Variants in TBCK observed in about 807,000 individuals in gnomAD.
TBCK encodes the protein TBC domain-containing protein kinase-like protein.
A neutral mutation model predicts 113.4 loss-of-function variants in TBCK; 99 were observed. The observed-to-expected ratio is 0.87, with a 90% CI of 0.74 to 1.03. TBCK has a LOEUF of 1.03. TBCK is among the 50% of genes least tolerant of loss of function. The pLI is 0.00. For synonymous variants in TBCK, 369 were observed against 370.8 expected (o/e 1.00, Z 0.05); for missense variants, 1,045 against 1,061.3 (o/e 0.98, Z 0.21).
chr4:106,302,787 T>C (rs965137090), intron 2 of TBCK, among the ~76,000 whole-genome samples: 16 of 152,214 alleles, frequency 1.1e-4, no homozygotes, highest in African/African-American at 3.9e-4. Context: ...GGGTAAGGGC[T>C]GTTGAAGTAT....
At chr4:106,066,731 T>G (rs1407250719) in intron 25 of TBCK, among the ~76,000 whole-genome samples, 1 of 152,032 alleles carries the variant, frequency 6.6e-6, no homozygotes, top group African/African-American at 2.4e-5. Flanking sequence ...CCTGTCTCCA[T>G]GAATTTGCTG....
intron 2 of TBCK, among the ~76,000 whole-genome samples, chr4:106,307,876 CA>C (rs1365854049): frequency 6.6e-6 from 1 of 151,968 alleles, no homozygotes; most frequent in Non-Finnish European, 1.5e-5. Context: ...ACATCTTCCT[CA>C]AACACTGACT....
chr4:106,069,401 A>T (rs1401148313), intron 25 of TBCK, among the ~76,000 whole-genome samples: 2 of 152,180 alleles, frequency 1.3e-5, no homozygotes, highest in African/African-American at 4.8e-5. Flanking sequence ...TTAAATAGGG[A>T]ATCCTTTCCC....
At chr4:106,102,437 G>A (rs1009170574) in intron 24 of TBCK, among the ~76,000 whole-genome samples, 2 of 152,114 alleles carry the variant, frequency 1.3e-5, no homozygotes, top group African/African-American at 4.8e-5. Flanking sequence ...CAACAGTAGC[G>A]TTTCAGGCAT....
At chr4:106,053,238 A>T (rs1000660134) in intron 25 of TBCK, among the ~76,000 whole-genome samples, 6 of 151,492 alleles carry the variant, frequency 4.0e-5, no homozygotes, top group Non-Finnish European at 7.4e-5. Context: ...ATCTCTTTTC[A>T]TTTCTTTGCA....
intron 5 of TBCK, among the ~76,000 whole-genome samples, chr4:106,259,109 A>C (rs1762266399): frequency 6.6e-6 from 1 of 151,924 alleles, no homozygotes; most frequent in African/African-American, 2.4e-5. Flanking sequence ...CATAAGAGAA[A>C]TTGCTCAATA....
At chr4:106,297,389 C>A (rs1296693480) in intron 2 of TBCK, among the ~76,000 whole-genome samples, 1 of 152,176 alleles carries the variant, frequency 6.6e-6, no homozygotes, top group Non-Finnish European at 1.5e-5. Flanking sequence ...ACAGTAATCT[C>A]CCCTTCTCAA....
intron 3 of TBCK, among the ~76,000 whole-genome samples, chr4:106,282,860 G>A (rs1000816241): frequency 6.6e-6 from 1 of 152,100 alleles, no homozygotes; most frequent in Non-Finnish European, 1.5e-5. Context: ...GCCTCTAGGA[G>A]CTGACAGCAG....
At chr4:106,291,312 C>T (rs1765684343) in intron 3 of TBCK, among the ~76,000 whole-genome samples, 1 of 152,150 alleles carries the variant, frequency 6.6e-6, no homozygotes, top group African/African-American at 2.4e-5. Context: ...AACCAAACAT[C>T]ACTGGAGACC....
At chr4:106,154,136 C>T (rs749127120) in intron 23 of TBCK, among the ~76,000 whole-genome samples, 3 of 152,018 alleles carry the variant, frequency 2.0e-5, no homozygotes, top group Non-Finnish European at 2.9e-5. Flanking sequence ...TCTCTTCCTT[C>T]TTTCCTTCCT....
At chr4:106,185,445 T>C (rs1390068890) in intron 22 of TBCK, among the ~76,000 whole-genome samples, 4 of 151,776 alleles carry the variant, frequency 2.6e-5, no homozygotes, top group Non-Finnish European at 4.4e-5. Context: ...TTATATCTTG[T>C]ATAACTTTAT....
chr4:106,115,991 T>C (rs780693182), intron 24 of TBCK, among the ~76,000 whole-genome samples: 15 of 152,226 alleles, frequency 9.9e-5, no homozygotes, highest in Non-Finnish European at 1.9e-4. Flanking sequence ...TATTCTGGCA[T>C]TGTTTGGAAA....
chr4:106,068,507 C>G (rs1578798109), intron 25 of TBCK, among the ~76,000 whole-genome samples: 1 of 152,170 alleles, frequency 6.6e-6, no homozygotes, highest in African/African-American at 2.4e-5. Flanking sequence ...CATAATATTT[C>G]ATGGTGTATA....
chr4:106,131,540 G>A (rs1009205635), intron 23 of TBCK, among the ~76,000 whole-genome samples: 12 of 152,194 alleles, frequency 7.9e-5, no homozygotes, highest in African/African-American at 2.9e-4. Context: ...TTGAATCCAG[G>A]AGGCGGAGGT....
chr4:106,290,323 G>A (rs1379939468), intron 3 of TBCK, among the ~76,000 whole-genome samples: 1 of 151,928 alleles, frequency 6.6e-6, no homozygotes, highest in South Asian at 2.1e-4. Flanking sequence ...GACTACAGGC[G>A]CCTGCCACCA....
intron 3 of TBCK, among the ~76,000 whole-genome samples, chr4:106,291,253 T>A (rs1162354952): frequency 2.0e-5 from 3 of 152,182 alleles, no homozygotes; most frequent in Non-Finnish European, 4.4e-5. Context: ...CTTGTCTTGG[T>A]CACAGTTTTG....
chr4:106,073,399 C>G (rs1049223861), intron 25 of TBCK, among the ~76,000 whole-genome samples: 8 of 152,144 alleles, frequency 5.3e-5, no homozygotes, highest in Admixed American at 2.6e-4. Flanking sequence ...CACTCCAGAC[C>G]CTGTTTGCCT....
intron 20 of TBCK, among the ~76,000 whole-genome samples, chr4:106,198,642 T>G (rs1305352438): frequency 6.6e-6 from 1 of 152,132 alleles, no homozygotes; most frequent in Admixed American, 6.6e-5. Flanking sequence ...ATAGTTGTAT[T>G]ATATATAATC....
chr4:106,263,876 C>A (rs1762732580), intron 3 of TBCK, among the ~76,000 whole-genome samples: 1 of 151,948 alleles, frequency 6.6e-6, no homozygotes, highest in African/African-American at 2.4e-5. Flanking sequence ...CTTACTAACT[C>A]TTCACTATGC....
Sources: allele counts gnomAD v4.1 joint callset (sites outside exome capture counted in the v4.1 genomes callset), GRCh38; gene constraint gnomAD v4.1.1; transcripts MANE v1.5; gene names NCBI Gene and HGNC (gene_info 2026-07-23, HGNC 2026-07-21).